The following PAM variants were observed in gnomAD, a reference collection of about 807,000 sequenced individuals.
PAM encodes the protein peptidyl-glycine alpha-amidating monooxygenase.
In PAM, 72 loss-of-function variants were observed where a neutral mutation model predicts 122.1. The ratio of observed to expected loss-of-function variants is 0.59; its 90% CI spans 0.49 to 0.72. The LOEUF is 0.72. Among genes scored for constraint, PAM ranks in the 30% least tolerant of loss-of-function variants. The probability of loss-of-function intolerance (pLI) is 0.00; values close to 1 mark genes in which losing one functional copy is unlikely to be tolerated. For synonymous variants in PAM, 389 were observed against 404.4 expected (o/e 0.96, Z 0.46); for missense variants, 1,106 against 1,183.7 (o/e 0.93, Z 0.96).
intron 4 of PAM, among the ~76,000 whole-genome samples, chr5:102,904,839 T>G (rs1799051511): frequency 6.6e-6 from 1 of 151,672 alleles, no homozygotes; most frequent in South Asian, 2.1e-4. Flanking sequence ...TGGCTTTATG[T>G]TTATATGCTA....
intron 4 of PAM, among the ~76,000 whole-genome samples, chr5:102,909,854 A>C (rs1581600997): frequency 6.6e-6 from 1 of 152,044 alleles, no homozygotes; most frequent in East Asian, 1.9e-4. Flanking sequence ...ACAAGCAACA[A>C]TTCTAGAATG....
intron 14 of PAM, among the ~76,000 whole-genome samples, chr5:102,961,751 A>G (rs184543111): frequency 6.6e-6 from 1 of 151,886 alleles, no homozygotes; most frequent in Admixed American, 6.6e-5. Context: ...TGCAGAGTTT[A>G]AAAAAAGCAT....
At chr5:102,926,182 C>T (rs1446026416) in intron 6 of PAM, among the ~76,000 whole-genome samples, 1 of 152,082 alleles carries the variant, frequency 6.6e-6, no homozygotes, top group Non-Finnish European at 1.5e-5. Flanking sequence ...GCAAGCTCCG[C>T]TTCCCGGGTT....
chr5:102,983,270 T>C (rs10463554), intron 15 of PAM, among the ~76,000 whole-genome samples: 50,734 of 151,334 alleles, frequency 0.34, 8,701 homozygotes, highest in East Asian at 0.43. Context: ...ATGGCAAAAC[T>C]CCATGTCTAC....
intron 1 of PAM, among the ~76,000 whole-genome samples, chr5:102,758,105 T>C (rs1751152973): frequency 8.2e-6 from 1 of 121,356 alleles, no homozygotes; most frequent in African/African-American, 3.5e-5. Context: ...TTTTTTTTTT[T>C]TTTCTTGGGG....
rs141598545 is a variant in PAM at position 102,864,067 on chromosome 5, C to G, written c.-373-1756C>G. On this transcript the variant is annotated intron_variant, in intron 1 of 25. Transcript: ENST00000438793. ...AGAATTTTAATACTTAATTTGTTTT[C>G]AAGTGTTTGTGTAATACCAAATCTC... Among the ~76,000 whole-genome samples, 15 of 150,618 alleles carry G rather than the reference C, an allele frequency of 1.0e-4. No homozygotes were observed. The East Asian group carries it at 2.9e-3, about 29-fold the overall frequency.
intron 1 of PAM, among the ~76,000 whole-genome samples, chr5:102,768,135 T>C (rs1165886354): frequency 6.6e-6 from 1 of 152,190 alleles, no homozygotes; most frequent in African/African-American, 2.4e-5. Flanking sequence ...TTAACTACTG[T>C]TATTACCATT....
At chr5:102,892,408 T>G (rs1581401238) in intron 3 of PAM, among the ~76,000 whole-genome samples, 1 of 151,970 alleles carries the variant, frequency 6.6e-6, no homozygotes, top group South Asian at 2.1e-4. Context: ...TCTCTGTTGG[T>G]TTAAGTCATT....
At chr5:103,021,551 A>C (rs1015782027) in intron 23 of PAM, among the ~76,000 whole-genome samples, 1 of 152,168 alleles carries the variant, frequency 6.6e-6, no homozygotes, top group African/African-American at 2.4e-5. Context: ...ATTGGTCAGA[A>C]ACCTTCCGAC....
At chr5:102,957,163 A>G (rs1761012663) in intron 12 of PAM, among the ~76,000 whole-genome samples, 1 of 152,188 alleles carries the variant, frequency 6.6e-6, no homozygotes, top group South Asian at 2.1e-4. Flanking sequence ...ATCTGTATGC[A>G]TATCTATGTA....
chr5:102,787,511 C>T (rs1760853929), intron 1 of PAM, among the ~76,000 whole-genome samples: 1 of 151,208 alleles, frequency 6.6e-6, no homozygotes, highest in African/African-American at 2.4e-5. Flanking sequence ...TCACTAAGCC[C>T]AGGAAATCTG....
intron 11 of PAM, 150 bp downstream of exon 11, chr5:102,950,128 C>A: frequency 1.8e-6 from 1 of 557,830 alleles, no homozygotes; most frequent in East Asian, 2.9e-5. Flanking sequence ...CTCCTTTTTG[C>A]AACTTCCAAT....
intron 15 of PAM, among the ~76,000 whole-genome samples, chr5:102,988,706 AG>A (rs1439199651): frequency 2.5e-4 from 20 of 81,280 alleles, no homozygotes; most frequent in South Asian, 6.1e-4. Context: ...AAAGAGAAAG[AG>A]AAAGAAAGAA....
At chr5:102,850,881 G>A (rs1380558701) in intron 1 of PAM, among the ~76,000 whole-genome samples, 1 of 152,158 alleles carries the variant, frequency 6.6e-6, no homozygotes. Flanking sequence ...GTAGAAAAAA[G>A]AGCAGGAGTA....
intron 15 of PAM, among the ~76,000 whole-genome samples, chr5:102,980,284 T>C (rs1769312335): frequency 6.6e-6 from 1 of 152,218 alleles, no homozygotes; most frequent in Non-Finnish European, 1.5e-5. Context: ...ATGTATTGAA[T>C]CATTTCTTAA....
At chr5:102,906,488 A>G (rs1425494396) in intron 4 of PAM, among the ~76,000 whole-genome samples, 1 of 151,686 alleles carries the variant, frequency 6.6e-6, no homozygotes, top group Non-Finnish European at 1.5e-5. Context: ...ACTGGGCACA[A>G]GTATGAGAGA....
At chr5:103,016,171 A>G (rs1208054773) in intron 21 of PAM, among the ~76,000 whole-genome samples, 4 of 152,022 alleles carry the variant, frequency 2.6e-5, no homozygotes, top group Non-Finnish European at 5.9e-5. Flanking sequence ...TGAAAGTATG[A>G]AAAAAAATGA....
chr5:102,862,924 G>A (rs1483203246), intron 1 of PAM, among the ~76,000 whole-genome samples: 1 of 151,812 alleles, frequency 6.6e-6, no homozygotes, highest in African/African-American at 2.4e-5. Flanking sequence ...ATGAATACAC[G>A]ACTGAATGGT....
At chr5:102,951,761 A>G (rs530491094) in intron 12 of PAM, among the ~76,000 whole-genome samples, 2 of 152,226 alleles carry the variant, frequency 1.3e-5, no homozygotes, top group African/African-American at 4.8e-5. Context: ...AAGTAAGCAT[A>G]AACTTTAAGG....
Sources: gnomAD v4.1 joint callset for allele counts (sites outside exome capture counted in the v4.1 genomes callset) on GRCh38, gnomAD v4.1.1 for gene constraint, MANE v1.5 for transcripts, NCBI Gene and HGNC (gene_info 2026-07-23, HGNC 2026-07-21) for gene names.